EEA1: variants seen among roughly 807,000 people sequenced by gnomAD.
EEA1 encodes the protein early endosome antigen 1, also known as early endosome antigen 1, 162kD.
EEA1 carries 111 observed loss-of-function variants against 209.2 expected under a neutral mutation model. The ratio of observed to expected loss-of-function variants is 0.53; its 90% CI spans 0.45 to 0.62. The LOEUF (loss-of-function observed/expected upper bound fraction) is 0.62, where lower values mean the gene tolerates loss of function less well. EEA1 is among the 20% of genes least tolerant of loss of function. The probability of loss-of-function intolerance (pLI) is 0.00; values close to 1 mark genes in which losing one functional copy is unlikely to be tolerated. For synonymous variants in EEA1, 536 were observed against 540.6 expected (o/e 0.99, Z 0.12); for missense variants, 1,343 against 1,530.8 (o/e 0.88, Z 2.05).
At chr12:92,854,017 G>T in intron 5 of EEA1, 63 bp from the exon 6 acceptor site, 1 of 1,265,174 alleles carries the variant, frequency 7.9e-7, no homozygotes, top group Non-Finnish European at 1.1e-6. Context: ...TGTTAAAATG[G>T]TCAATGTTAA....
At chr12:92,830,486 C>T (rs1299327671) in intron 11 of EEA1, among the ~76,000 whole-genome samples, 1 of 151,718 alleles carries the variant, frequency 6.6e-6, no homozygotes, top group Non-Finnish European at 1.5e-5. Flanking sequence ...ATCCACATTG[C>T]TATAAGGAGC....
At chr12:92,782,803 C>T (rs1873959550) in intron 22 of EEA1, among the ~76,000 whole-genome samples, 1 of 152,168 alleles carries the variant, frequency 6.6e-6, no homozygotes, top group South Asian at 2.1e-4. Flanking sequence ...TCTTCTTCCC[C>T]ACCCCATTTT....
Position 92,860,534 on chromosome 12 carries a change from TA to T in EEA1, c.246-3050del, listed in dbSNP as rs540388320. On this transcript the variant is annotated intron_variant, in intron 3 of 28. Transcript: ENST00000322349. ...AAGCTATCACCTCAAATGGCAGCTT[TA>T]AAAAAATTTTTTTTCTCTCAATACC... Among the ~76,000 whole-genome samples, 488 of 152,296 alleles carry T rather than the reference TA, an allele frequency of 3.2e-3. 3 individuals are homozygous for T. Among genetic ancestry groups the T allele is most frequent in the African/African-American group, 0.011 (460 of 41,562 alleles).
Position 92,852,156 on chromosome 12 carries a change from T to A in EEA1, c.642+19A>T. 6.4e-7 allele frequency: 1 copy of A among 1,563,186 alleles called. No homozygotes were observed. The highest frequency in any genetic ancestry group is 8.6e-7 in the Non-Finnish European group (1 of 1,159,252). On this transcript the variant is annotated intron_variant, in intron 8 of 28. Coordinates refer to ENST00000322349, the MANE Select transcript of EEA1 (RefSeq NM_003566.4). ...AGAAAGGTATAAGAGTACATCTCAA[T>A]AAATAATTCCTAAATTACCAGTTCC...
At chr12:92,818,572 C>A (rs1875904876) in intron 14 of EEA1, among the ~76,000 whole-genome samples, 1 of 151,900 alleles carries the variant, frequency 6.6e-6, no homozygotes, top group East Asian at 1.9e-4. Context: ...TAAAAACTAA[C>A]CTAAAGAATT....
At chr12:92,885,469 C>CCTTA (rs1879338830) in intron 2 of EEA1, among the ~76,000 whole-genome samples, 1 of 152,112 alleles carries the variant, frequency 6.6e-6, no homozygotes, top group Non-Finnish European at 1.5e-5. Context: ...CTTGTCTGTA[C>CCTTA]CTTAGTATTG....
chr12:92,788,984 C>G (rs994586107), intron 21 of EEA1, among the ~76,000 whole-genome samples: 3 of 152,078 alleles, frequency 2.0e-5, no homozygotes, highest in Non-Finnish European at 4.4e-5. Flanking sequence ...AATCCATACA[C>G]TCTCTCTTTA....
At chr12:92,916,996 A>T (rs1055342999) in intron 1 of EEA1, among the ~76,000 whole-genome samples, 1 of 151,732 alleles carries the variant, frequency 6.6e-6, no homozygotes, top group African/African-American at 2.4e-5. Context: ...GGGTGTCAGC[A>T]ATGGAAGATG....
chr12:92,922,157 T>A (rs915255867), intron 1 of EEA1, among the ~76,000 whole-genome samples: 3 of 152,178 alleles, frequency 2.0e-5, no homozygotes, highest in Admixed American at 6.5e-5. Flanking sequence ...GTCTTCTGAG[T>A]GCTGGACCTG....
chr12:92,855,135 A>AACATCCTATCACGG (rs1311147172), intron 5 of EEA1, among the ~76,000 whole-genome samples: 1 of 152,216 alleles, frequency 6.6e-6, no homozygotes, highest in Non-Finnish European at 1.5e-5. Context: ...CATTAGTTAA[A>AACATCCTATCACGG]ACATCCTATC....
At position 92,776,150 on chromosome 12, in the gene EEA1, T is replaced by A. The variant is rs1565802968; in HGVS notation, c.4114-17A>T. ...GCAGTGATGCTGTAAATGACAAAAA[T>A]TAAACAATTTCAAGAATAAAAACTA... On this transcript the variant is annotated splice_polypyrimidine_tract_variant and intron_variant, in intron 28 of 28. Transcript: ENST00000322349. 6.3e-7 allele frequency: 1 copy of A among 1,593,810 alleles called. No individual in the cohort carries two copies. The highest frequency in any genetic ancestry group is 8.6e-7 in the Non-Finnish European group (1 of 1,169,422).
rs114419818 is a variant in EEA1, at chr12:92,784,873, C to T, written c.3151-2738G>A. On this transcript the variant is annotated intron_variant, in intron 22 of 28. Coordinates refer to ENST00000322349, the MANE Select transcript of EEA1 (RefSeq NM_003566.4). ...GGGACTATCTCTAACCCATCTACTC[C>T]CCTTGAAATAGGCAAATCCCTAAAT... Among the ~76,000 whole-genome samples the T allele has an allele frequency of 5.9e-3, 901 of 152,088 alleles. 10 individuals carry two copies. The highest frequency in any genetic ancestry group is 0.021 in the African/African-American group (852 of 41,480).
chr12:92,777,590 T>C lies in EEA1; in HGVS notation c.3967A>G (p.Thr1323Ala), dbSNP rs1269599397. The change falls in exon 27 of 29, where the codon ACA becomes GCA. Residue 1323 changes from threonine (T) to alanine (A), a missense_variant. This residue lies in a region of EEA1 where 1,307 missense variants were observed against 1,465.5 expected (regional missense o/e 0.89). Transcript: ENST00000322349. ...CCCAGCTCCTGCACTGCTGCAGTTGTATTATCCAGCTTTCTTTGCAATTCT... is the reference window on the plus strand; with the variant it reads ...CCCAGCTCCTGCACTGCTGCAGTTGCATTATCCAGCTTTCTTTGCAATTCT... ...VLELQRKLDN[T>A]TAAVQELGRE... The C allele has an allele frequency of 1.2e-6, 2 of 1,612,390 alleles. No homozygotes were observed. The highest frequency in any genetic ancestry group is 2.7e-5 in the African/African-American group (2 of 74,862).
In EEA1 at chr12:92,773,034, C is replaced by T. The variant is rs972083004; in HGVS notation, c.*2977G>A. 1 of 152,000 alleles carries T rather than the reference C, an allele frequency of 6.6e-6. No homozygotes were observed. Among genetic ancestry groups the T allele is most frequent in the African/African-American group, 2.4e-5 (1 of 41,364 alleles). 9.4% of individuals were successfully genotyped at this position (152,000 alleles called of 1,614,324 possible). ...GCAATTAAGACACAATAATGTGTGG[C>T]ACGTTATAATTACAGAATACCATTC... On this transcript the variant is annotated 3_prime_UTR_variant, in exon 29 of 29. Coordinates refer to ENST00000322349, the MANE Select transcript of EEA1 (RefSeq NM_003566.4).
At chr12:92,902,971 G>A (rs764794182) in intron 1 of EEA1, among the ~76,000 whole-genome samples, 6 of 140,920 alleles carry the variant, frequency 4.3e-5, no homozygotes, top group Non-Finnish European at 9.1e-5. Flanking sequence ...GTCTCGCTCT[G>A]TCACCCAGGC....
At chr12:92,870,999 G>A (rs754545560) in intron 2 of EEA1, among the ~76,000 whole-genome samples, 2 of 152,142 alleles carry the variant, frequency 1.3e-5, no homozygotes, top group Non-Finnish European at 2.9e-5. Context: ...GTGAGCCACA[G>A]TGCCCAGCCT....
intron 14 of EEA1, among the ~76,000 whole-genome samples, chr12:92,817,732 T>G (rs1021332226): frequency 2.6e-5 from 4 of 152,210 alleles, no homozygotes; most frequent in African/African-American, 9.6e-5. Context: ...GTGACCACTC[T>G]CGATTTTGTT....
chr12:92,805,328 T>C (rs971882272), intron 18 of EEA1, among the ~76,000 whole-genome samples: 9 of 152,140 alleles, frequency 5.9e-5, no homozygotes, highest in African/African-American at 2.2e-4. Context: ...TTACTAGATA[T>C]GAAAATGAGA....
chr12:92,822,489 T>C (rs533482617), intron 13 of EEA1, among the ~76,000 whole-genome samples: 1 of 152,334 alleles, frequency 6.6e-6, no homozygotes, highest in East Asian at 1.9e-4. Flanking sequence ...TTTATCATAC[T>C]GAGCATCGCC....
Sources: gnomAD v4.1 joint callset for allele counts (sites outside exome capture counted in the v4.1 genomes callset) on GRCh38, gnomAD v4.1.1 for gene constraint, gnomAD v4.1.1 regional missense constraint, MANE v1.5 for transcripts, NCBI Gene and HGNC (gene_info 2026-07-23, HGNC 2026-07-21) for gene names.